The following UNC13C variants were observed in gnomAD, a reference collection of about 807,000 sequenced individuals.
UNC13C encodes protein unc-13 homolog C.
A neutral mutation model predicts 245.4 loss-of-function variants in UNC13C; 174 were observed. The ratio of observed to expected loss-of-function variants is 0.71; its 90% confidence interval spans 0.63 to 0.80. UNC13C has a LOEUF of 0.80. UNC13C is among the 30% of genes least tolerant of loss of function. The probability of loss-of-function intolerance (pLI) is 0.00; values close to 1 mark genes in which losing one functional copy is unlikely to be tolerated. For synonymous variants in UNC13C, 992 were observed against 895.1 expected (o/e 1.11, Z -1.93); for missense variants, 2,829 against 2,602.9 (o/e 1.09, Z -1.89).
intron 26 of UNC13C, among the ~76,000 whole-genome samples, chr15:54,543,487 A>C (rs1051906755): frequency 7.2e-5 from 11 of 152,194 alleles, no homozygotes; most frequent in African/African-American, 2.4e-4. Context: ...ACCCTTCAAA[A>C]AATCAGTGAA....
Position 54,457,695 on chromosome 15 carries a change from G to A in UNC13C, c.4934-36913G>A, listed in dbSNP as rs113220397. On this transcript the variant is annotated intron_variant, in intron 19 of 32. Coordinates refer to ENST00000260323, the MANE Select transcript of UNC13C (RefSeq NM_001080534.3). Reference sequence around the variant, plus strand: ...TTCAAATTGCCTTGAATGATCTTTTGTATTTCTGTGGTATCAGTAGAAATA... The same window carrying A: ...TTCAAATTGCCTTGAATGATCTTTTATATTTCTGTGGTATCAGTAGAAATA... Among the ~76,000 whole-genome samples the A allele has an allele frequency of 5.1e-3, 768 of 151,878 alleles. 6 individuals are homozygous for A. The highest frequency in any genetic ancestry group is 0.017 in the African/African-American group (718 of 41,462).
chr15:53,890,321 T>C, the UNC13C span, among the ~76,000 whole-genome samples: 4 of 152,104 alleles, frequency 2.6e-5, no homozygotes, highest in Non-Finnish European at 4.4e-5. Flanking sequence ...TTTTGTATTT[T>C]TAGTAGAGGT....
At chr15:54,503,299 T>C (rs548148679) in intron 22 of UNC13C, among the ~76,000 whole-genome samples, 1 of 152,160 alleles carries the variant, frequency 6.6e-6, no homozygotes, top group Non-Finnish European at 1.5e-5. Flanking sequence ...TTTAAAAATC[T>C]CTTGCCAGCA....
intron 30 of UNC13C, among the ~76,000 whole-genome samples, chr15:54,613,171 A>G (rs1900215791): frequency 6.6e-6 from 1 of 151,910 alleles, no homozygotes; most frequent in Non-Finnish European, 1.5e-5. Context: ...TTTACATAAT[A>G]GCCAATTAGT....
At chr15:53,928,435 C>T in the UNC13C span, among the ~76,000 whole-genome samples, 29 of 152,274 alleles carry the variant, frequency 1.9e-4, no homozygotes, top group East Asian at 5.4e-3. Context: ...GTTCCTTGCC[C>T]TCATTCCTGT....
At chr15:54,251,384 G>A (rs180811343) in intron 8 of UNC13C, among the ~76,000 whole-genome samples, 3 of 152,260 alleles carry the variant, frequency 2.0e-5, no homozygotes, top group South Asian at 4.1e-4. Context: ...ACCTTAGAGG[G>A]TTATTGGAAA....
At chr15:53,847,665 C>G in the UNC13C span, among the ~76,000 whole-genome samples, 4 of 151,990 alleles carry the variant, frequency 2.6e-5, no homozygotes, top group Non-Finnish European at 4.4e-5. Flanking sequence ...TGTGCCCAGC[C>G]TCATTAGCTA....
chr15:54,590,005 G>A (rs191962675), intron 30 of UNC13C, among the ~76,000 whole-genome samples: 1 of 152,154 alleles, frequency 6.6e-6, no homozygotes, highest in African/African-American at 2.4e-5. Context: ...TCTCCTACAT[G>A]TGGCTAGCCA....
At chr15:54,240,726 A>G (rs2035829180) in intron 7 of UNC13C, among the ~76,000 whole-genome samples, 1 of 152,160 alleles carries the variant, frequency 6.6e-6, no homozygotes, top group Admixed American at 6.5e-5. Context: ...AAGGATTATG[A>G]TTTCTGAAAA....
At chr15:54,319,686 G>A (rs536867929) in intron 13 of UNC13C, among the ~76,000 whole-genome samples, 24 of 146,488 alleles carry the variant, frequency 1.6e-4, no homozygotes, top group South Asian at 1.1e-3. Context: ...ACTCAGGGCA[G>A]CTATTTATGT....
chr15:54,445,279 T>A (rs1345863247), intron 19 of UNC13C, among the ~76,000 whole-genome samples: 5 of 152,160 alleles, frequency 3.3e-5, no homozygotes, highest in African/African-American at 7.2e-5. Context: ...TAAACATACA[T>A]GTGCATGTGT....
chr15:53,853,303 C>A, the UNC13C span, among the ~76,000 whole-genome samples: 1 of 152,096 alleles, frequency 6.6e-6, no homozygotes, highest in Non-Finnish European at 1.5e-5. Flanking sequence ...CATTAGTTTG[C>A]ACCACCCATG....
intron 16 of UNC13C, among the ~76,000 whole-genome samples, chr15:54,335,232 T>C (rs1455828705): frequency 6.6e-6 from 1 of 152,142 alleles, no homozygotes; most frequent in Non-Finnish European, 1.5e-5. Flanking sequence ...CCCCTATGTA[T>C]GTGCTATTGA....
chr15:54,393,046 A>T lies in UNC13C; in HGVS notation c.4714-2A>T, dbSNP rs778790440. On this transcript the variant is annotated splice_acceptor_variant, in intron 17 of 32. Transcript: ENST00000260323. LOFTEE classifies it high-confidence loss of function. Reference sequence around the variant, plus strand: ...TTGCATGTTGCGTGAACTTGTGAGCAGAGTAAGAAACAGGATATTCCTCGT... The same window carrying T: ...TTGCATGTTGCGTGAACTTGTGAGCTGAGTAAGAAACAGGATATTCCTCGT... 6.3e-7 allele frequency: 1 copy of T among 1,591,266 alleles called. No homozygotes were observed. The highest frequency in any genetic ancestry group is 1.4e-5 in the African/African-American group (1 of 73,410).
chr15:54,315,874 A>C (rs958955840), intron 13 of UNC13C, among the ~76,000 whole-genome samples: 1 of 151,838 alleles, frequency 6.6e-6, no homozygotes, highest in Non-Finnish European at 1.5e-5. Context: ...AAGTCCTGAC[A>C]GTTATTCCTC....
chr15:54,142,755 G>A (rs942089579), intron 2 of UNC13C, among the ~76,000 whole-genome samples: 9 of 152,110 alleles, frequency 5.9e-5, no homozygotes, highest in Non-Finnish European at 1.0e-4. Flanking sequence ...CTTCAACTAT[G>A]TTCTTTTCTT....
chr15:53,862,974 A>C, the UNC13C span, among the ~76,000 whole-genome samples: 1,130 of 152,168 alleles, frequency 7.4e-3, 7 homozygotes, highest in Non-Finnish European at 9.6e-3. Context: ...TCCAGCATCA[A>C]CTCTAAAGTC....
intron 19 of UNC13C, among the ~76,000 whole-genome samples, chr15:54,431,086 T>G (rs1205910854): frequency 6.6e-6 from 1 of 151,742 alleles, no homozygotes; most frequent in Non-Finnish European, 1.5e-5. Context: ...TCAAGAATAT[T>G]CAGAATAATT....
In UNC13C at chr15:54,014,126, T is replaced by C; in HGVS notation, c.1223T>C (p.Ile408Thr). 3 of 1,613,734 alleles carry C rather than the reference T, an allele frequency of 1.9e-6. No individual in the cohort carries two copies. The highest frequency in any genetic ancestry group is 2.5e-6 in the Non-Finnish European group (3 of 1,179,812). Reference protein sequence around the residue: ...KGTGIGISTDILTHDIRERKE... With the variant: ...KGTGIGISTDTLTHDIRERKE... ...ACAGGCATTGGAATCTCAACAGATATTCTAACTCATGACATCAGAGAAAGA... is the reference window on the plus strand; with the variant it reads ...ACAGGCATTGGAATCTCAACAGATACTCTAACTCATGACATCAGAGAAAGA... Residue 408 changes from isoleucine (I) to threonine (T), a missense_variant, in exon 2 of 33, where the codon ATT (isoleucine) becomes ACT (threonine). Ile to Thr is a moderately conservative substitution (Grantham distance 89, BLOSUM62 -1). Transcript: ENST00000260323.
Sources: gnomAD v4.1 joint callset for allele counts (sites outside exome capture counted in the v4.1 genomes callset) on GRCh38, gnomAD v4.1.1 for gene constraint, MANE v1.5 for transcripts, NCBI Gene and HGNC (gene_info 2026-07-23, HGNC 2026-07-21) for gene names.